UGT3A1: variants seen among roughly 807,000 people sequenced by gnomAD.
The protein encoded by UGT3A1 is UDP glycosyltransferase family 3 member A1, also known as UDP-glycosyltransferase 3A1.
In UGT3A1, 40 loss-of-function variants were observed where a neutral mutation model predicts 37.6. The observed-to-expected ratio is 1.06, with a 90% CI of 0.83 to 1.38. The LOEUF (loss-of-function observed/expected upper bound fraction) is 1.38, where lower values mean the gene tolerates loss of function less well. UGT3A1 is among the 40% of genes most tolerant of loss of function. UGT3A1 has a pLI of 0.00. For missense variants in UGT3A1, 642 were observed against 634.2 expected, an observed-to-expected ratio of 1.01 and a Z score of -0.13; for synonymous variants, 256 against 232.3, an observed-to-expected ratio of 1.10 and a Z score of -0.93.
At chr5:35,969,730 C>T (rs758081973) in intron 2 of UGT3A1, among the ~76,000 whole-genome samples, 9 of 152,132 alleles carry the variant, frequency 5.9e-5, no homozygotes, top group South Asian at 2.1e-4. Context: ...CCCTGCGAAC[C>T]GTAATAACCT....
At chr5:35,955,177 T>C (rs534738918) in intron 6 of UGT3A1, 2 of 191,920 alleles carry the variant, frequency 1.0e-5, no homozygotes, top group Non-Finnish European at 2.1e-5. Flanking sequence ...CTAGTTAGGA[T>C]TGTCAAAGAC....
chr5:35,960,516 AGCATGCAGACGG>A (rs1314093080), intron 4 of UGT3A1, among the ~76,000 whole-genome samples: 1 of 151,830 alleles, frequency 6.6e-6, no homozygotes, highest in African/African-American at 2.4e-5. Context: ...CAGAAGGGGG[AGCATGCAGACGG>A]GCAGGTGCAT....
upstream of UGT3A1, among the ~76,000 whole-genome samples, chr5:35,992,902 C>T (rs900365586): frequency 6.6e-5 from 10 of 152,208 alleles, no homozygotes; most frequent in South Asian, 2.1e-4. Flanking sequence ...CACAAACCTG[C>T]GTCTCCCTTT....
In UGT3A1 at chr5:35,952,184, G is replaced by A. The variant is rs1184489117; in HGVS notation, c.*2018C>T. 2.0e-5 allele frequency: 3 copies of A among 152,154 alleles called. No homozygotes were observed. Among genetic ancestry groups the A allele is most frequent in the Non-Finnish European group, 4.4e-5 (3 of 68,028 alleles). The allele number at this position is 152,154 out of a possible 1,614,324, so 9.4% of individuals were successfully genotyped here. A position where few individuals can be genotyped will look rare whatever the true frequency, so the allele number is the denominator to read the frequency against. On this transcript the variant is annotated 3_prime_UTR_variant, in exon 7 of 7. Coordinates refer to ENST00000274278, the MANE Select transcript of UGT3A1 (RefSeq NM_152404.4). ...TTTCTCATTCCAGCAAGAATAGGAT[G>A]GTATTTCTGAGAGAAGGAAGGGCAT...
At position 35,965,454 on chromosome 5, in the gene UGT3A1, GGGCAAAATCAAA is replaced by G. The variant is rs1739760064; in HGVS notation, c.763_774del (p.Phe255_Ala258del). 1 of 1,614,028 alleles carries G rather than the reference GGGCAAAATCAAA, an allele frequency of 6.2e-7. No individual in the cohort carries two copies. Among genetic ancestry groups the G allele is most frequent in the Admixed American group, 1.7e-5 (1 of 60,002 alleles). On this transcript the variant is annotated inframe_deletion, in exon 4 of 7. Coordinates refer to ENST00000274278, the MANE Select transcript of UGT3A1 (RefSeq NM_152404.4). ...TAAACAGTGTTGGGAAGCAGGGGCC[GGGCAAAATCAAA>G]GGCAAAATCAGAGTTAACAAACCAC...
At chr5:35,959,631 G>A (rs2149952765) in intron 4 of UGT3A1, among the ~76,000 whole-genome samples, 1 of 151,708 alleles carries the variant, frequency 6.6e-6, no homozygotes, top group East Asian at 1.9e-4. Context: ...TGTCAAGTCT[G>A]AGAAAGAAAA....
At chr5:35,963,853 T>G (rs1042960143) in intron 4 of UGT3A1, among the ~76,000 whole-genome samples, 4 of 152,218 alleles carry the variant, frequency 2.6e-5, no homozygotes, top group African/African-American at 9.6e-5. Context: ...GCACTGCTCA[T>G]GCCTGTAGTT....
At chr5:35,957,465 C>A (rs1230224398) in intron 4 of UGT3A1, 46 bp from the exon 5 acceptor site, 1 of 1,502,670 alleles carries the variant, frequency 6.7e-7, no homozygotes, top group African/African-American at 1.4e-5. Context: ...ATTGAGAACG[C>A]CTAAGTGTCC....
intron 2 of UGT3A1, among the ~76,000 whole-genome samples, chr5:35,980,977 A>G (rs1044207529): frequency 1.3e-5 from 2 of 152,162 alleles, no homozygotes; most frequent in Non-Finnish European, 2.9e-5. Flanking sequence ...TTACTAAAAA[A>G]AGTCAAAACT....
intron 2 of UGT3A1, among the ~76,000 whole-genome samples, chr5:35,983,082 A>G (rs1007885809): frequency 1.3e-5 from 2 of 152,152 alleles, no homozygotes; most frequent in African/African-American, 4.8e-5. Context: ...TGAGTCAATT[A>G]CACCTCTTTT....
At chr5:35,999,703 A>T (rs1280283912) in intron 1 of UGT3A1, among the ~76,000 whole-genome samples, 3 of 152,230 alleles carry the variant, frequency 2.0e-5, no homozygotes, top group Admixed American at 6.5e-5. Flanking sequence ...TTTACTCTTG[A>T]TGTGACATTT....
intron 4 of UGT3A1, among the ~76,000 whole-genome samples, chr5:35,959,797 TACAC>T (rs138036092): frequency 6.6e-6 from 1 of 151,526 alleles, no homozygotes; most frequent in African/African-American, 2.4e-5. Context: ...AAAAATAACA[TACAC>T]ACACACACAC....
intron 4 of UGT3A1, 74 bp from the exon 5 acceptor site, chr5:35,957,493 C>T (rs1000825276): frequency 4.0e-6 from 5 of 1,249,276 alleles, no homozygotes; most frequent in South Asian, 1.4e-5. Flanking sequence ...GAAACCCAGT[C>T]TATTTACTAA....
chr5:35,987,210 C>T (rs1265944836), intron 2 of UGT3A1, among the ~76,000 whole-genome samples: 1 of 152,146 alleles, frequency 6.6e-6, no homozygotes, highest in Non-Finnish European at 1.5e-5. Context: ...ATTTGGCTAT[C>T]AGACTATCAA....
chr5:35,996,830 G>A (rs902246780), intron 2 of UGT3A1, among the ~76,000 whole-genome samples: 1 of 152,188 alleles, frequency 6.6e-6, no homozygotes, highest in African/African-American at 2.4e-5. Flanking sequence ...AGAGAAGAAA[G>A]CAGTAAAACT....
In UGT3A1 at chr5:35,953,969, C is replaced by A; in HGVS notation, c.*233G>T. The A allele has an allele frequency of 2.0e-6, 1 of 501,716 alleles. No homozygotes were observed. Among genetic ancestry groups the A allele is most frequent in the East Asian group, 3.2e-5 (1 of 31,466 alleles). The allele number at this position is 501,716 out of a possible 1,614,324, so 31.1% of individuals were successfully genotyped here. A position where few individuals can be genotyped will look rare whatever the true frequency, so the allele number is the denominator to read the frequency against. On this transcript the variant is annotated 3_prime_UTR_variant, in exon 7 of 7. Coordinates refer to ENST00000274278, the MANE Select transcript of UGT3A1 (RefSeq NM_152404.4). ...AAAAGGGAGAAAGGAGGAGGCAGGG[C>A]TGGCAGGTGAAAATTTGTATCTGAG...
At chr5:35,967,744 TAGA>T (rs1213782791) in intron 3 of UGT3A1, among the ~76,000 whole-genome samples, 11 of 152,152 alleles carry the variant, frequency 7.2e-5, no homozygotes, top group African/African-American at 1.2e-4. Flanking sequence ...ACCCTTACGG[TAGA>T]AGAAGGACAC....
In UGT3A1 at chr5:35,966,433, C is replaced by T. The variant is rs148079723; in HGVS notation, c.312-516G>A. Among the ~76,000 whole-genome samples the T allele has an allele frequency of 1.9e-3, 289 of 152,128 alleles. 2 individuals carry two copies. The highest frequency in any genetic ancestry group is 6.4e-3 in the African/African-American group (267 of 41,494). Reference sequence around the variant, plus strand: ...ACTTTTTGATGACAATATTAGAATCCAAAATCTCAGCTGAAACGAGATTTT... The same window carrying T: ...ACTTTTTGATGACAATATTAGAATCTAAAATCTCAGCTGAAACGAGATTTT... On this transcript the variant is annotated intron_variant, in intron 3 of 6. Transcript: ENST00000274278.
chr5:35,972,245 A>G (rs181146899), intron 2 of UGT3A1, among the ~76,000 whole-genome samples: 52 of 152,236 alleles, frequency 3.4e-4, no homozygotes, highest in African/African-American at 1.1e-3. Flanking sequence ...TAGTATGCTT[A>G]TTATCTGCAA....
Sources: allele counts gnomAD v4.1 joint callset (sites outside exome capture counted in the v4.1 genomes callset), GRCh38; gene constraint gnomAD v4.1.1; transcripts MANE v1.5; gene names NCBI Gene and HGNC (gene_info 2026-07-23, HGNC 2026-07-21).